The following SPART variants were observed in gnomAD, a reference collection of about 807,000 sequenced individuals.
SPART encodes spastic paraplegia 20 (Troyer syndrome).
A neutral mutation model predicts 58.7 loss-of-function variants in SPART; 35 were observed. That is an observed-to-expected ratio of 0.60 (90% CI 0.46 to 0.79). SPART has a LOEUF of 0.79. Ranked by LOEUF, SPART falls within the 30% of genes least tolerant of loss-of-function variation. The pLI is 0.00. For synonymous variants in SPART, 284 were observed against 280.7 expected, an observed-to-expected ratio of 1.01 and a Z score of -0.12; for missense variants, 730 against 786.1, an observed-to-expected ratio of 0.93 and a Z score of 0.85.
chr13:36,334,711 C>T (rs1008225231), intron 2 of SPART, among the ~76,000 whole-genome samples: 1 of 151,956 alleles, frequency 6.6e-6, no homozygotes, highest in African/African-American at 2.4e-5. Context: ...TACATAAATC[C>T]CTTTCGAAAT....
chr13:36,323,139 C>T (rs940243395), intron 5 of SPART, among the ~76,000 whole-genome samples: 1 of 152,150 alleles, frequency 6.6e-6, no homozygotes, highest in South Asian at 2.1e-4. Context: ...GTGATCATTC[C>T]GTCTCACTCC....
intron 1 of SPART, among the ~76,000 whole-genome samples, chr13:36,358,945 G>A (rs941864894): frequency 6.6e-6 from 1 of 152,056 alleles, no homozygotes; most frequent in African/African-American, 2.4e-5. Context: ...ATTGTTTTGG[G>A]GGGCCAAGTG....
intron 1 of SPART, among the ~76,000 whole-genome samples, chr13:36,365,041 T>TG (rs1477102002): frequency 6.6e-6 from 1 of 152,094 alleles, no homozygotes; most frequent in East Asian, 1.9e-4. Flanking sequence ...CCTCTGACAC[T>TG]GGAGGTTGCA....
chr13:36,335,526 G>A lies in SPART; in HGVS notation c.305C>T (p.Ser102Phe). The change falls in exon 2 of 9, where the codon TCT becomes TTT. Residue 102 changes from serine to phenylalanine, a missense_variant. By Grantham distance (155) the Ser-to-Phe change is radical (BLOSUM62 -2). Transcript: ENST00000438666. ...CACCTCCTGAAGATCATTCTGCAGA[G>A]AAGTGGCAAGACCCTTCTCTAGAAT... ...LEILEKGLAT[S>F]LQNDLQEVPK... is the part of the protein sequence containing the mutation. 6.2e-7 allele frequency: 1 copy of A among 1,614,158 alleles called. No individual in the cohort carries two copies. Among genetic ancestry groups the A allele is most frequent in the Non-Finnish European group, 8.5e-7 (1 of 1,180,028 alleles).
chr13:36,337,470 TAGTG>T (rs1238856114), intron 1 of SPART, among the ~76,000 whole-genome samples: 4 of 152,220 alleles, frequency 2.6e-5, no homozygotes, highest in Non-Finnish European at 4.4e-5. Context: ...GTTCTCCTGA[TAGTG>T]AGTTCTCACA....
At chr13:36,348,357 T>C (rs973480604), upstream of SPART, among the ~76,000 whole-genome samples, 1 of 152,242 alleles carries the variant, frequency 6.6e-6, no homozygotes, top group African/African-American at 2.4e-5. Context: ...ATTTAAAAAG[T>C]ACATACATTT....
At chr13:36,330,526 A>G (rs1289361730) in intron 3 of SPART, among the ~76,000 whole-genome samples, 1 of 152,180 alleles carries the variant, frequency 6.6e-6, no homozygotes, top group Non-Finnish European at 1.5e-5. Context: ...AACTGGTTAA[A>G]TAATGAATTC....
chr13:36,369,543 C>A (rs1886193136), intron 1 of SPART: 1 of 152,142 alleles, frequency 6.6e-6, no homozygotes, highest in Non-Finnish European at 1.5e-5. Context: ...AACGTACTTT[C>A]CCCCAAGAAA....
intron 1 of SPART, among the ~76,000 whole-genome samples, chr13:36,344,052 G>A (rs919659808): frequency 1.6e-4 from 22 of 141,756 alleles, no homozygotes; most frequent in Non-Finnish European, 2.7e-4. Context: ...AAAAAAAAAA[G>A]AAAGAAAGAA....
upstream of SPART, among the ~76,000 whole-genome samples, chr13:36,347,639 T>TACAGTGTTTCAAATACATTTGAA (rs1885230847): frequency 1.3e-5 from 2 of 152,178 alleles, no homozygotes; most frequent in African/African-American, 4.8e-5. Context: ...AATATATTAA[T>TACAGTGTTTCAAATACATTTGAA]ACAGTGGTTT....
At chr13:36,313,720 C>T (rs887982597) in intron 6 of SPART, among the ~76,000 whole-genome samples, 6 of 152,126 alleles carry the variant, frequency 3.9e-5, no homozygotes, top group African/African-American at 1.4e-4. Flanking sequence ...TACTTAGGAG[C>T]AATAGGCTAT....
upstream of SPART, among the ~76,000 whole-genome samples, chr13:36,350,959 C>T (rs184324637): frequency 1.8e-4 from 28 of 152,306 alleles, no homozygotes; most frequent in African/African-American, 6.5e-4. Flanking sequence ...CAGTGGTATA[C>T]ATACCCCGGT....
rs916742222 is a variant in SPART at position 36,302,218 on chromosome 13, CAAGT to C, written c.*2143_*2146del. The C allele has an allele frequency of 3.7e-4, 54 of 147,672 alleles. No homozygotes were observed. The highest frequency in any genetic ancestry group is 1.2e-3 in the African/African-American group (48 of 40,928). The allele number at this position is 147,672 out of a possible 1,614,324, so 9.1% of individuals were successfully genotyped here. ...AAGTGTTGTTATTCATCATACCTTA[CAAGT>C]AATATATAATTTTATCTATATATCA... On this transcript the variant is annotated 3_prime_UTR_variant, in exon 9 of 9. Transcript: ENST00000438666.
rs898365933 is a variant in SPART, at chr13:36,303,273, A to C, written c.*1092T>G. Reference sequence around the variant, plus strand: ...CTATGAAAACTAATACCAATCTCTTAAATTCAATAAACAAAAATTAAATAC... The same window carrying C: ...CTATGAAAACTAATACCAATCTCTTCAATTCAATAAACAAAAATTAAATAC... On this transcript the variant is annotated 3_prime_UTR_variant, in exon 9 of 9. Coordinates refer to ENST00000438666, the MANE Select transcript of SPART (RefSeq NM_015087.5). 1 of 152,194 alleles carries C rather than the reference A, an allele frequency of 6.6e-6. No homozygotes were observed. The highest frequency in any genetic ancestry group is 2.4e-5 in the African/African-American group (1 of 41,448). 9.4% of individuals were successfully genotyped at this position (152,194 alleles called of 1,614,324 possible).
chr13:36,323,910 C>G (rs375852092), intron 5 of SPART, among the ~76,000 whole-genome samples: 1 of 152,168 alleles, frequency 6.6e-6, no homozygotes, highest in African/African-American at 2.4e-5. Context: ...CTGAGTGTTA[C>G]CAGAACACAG....
chr13:36,318,981 C>T (rs1362549719), intron 5 of SPART, among the ~76,000 whole-genome samples: 2 of 152,300 alleles, frequency 1.3e-5, no homozygotes, highest in East Asian at 3.9e-4. Context: ...TCAGGTAACT[C>T]TAACAGTGGA....
intron 4 of SPART, among the ~76,000 whole-genome samples, chr13:36,327,902 G>A (rs770041468): frequency 1.1e-4 from 16 of 152,160 alleles, no homozygotes; most frequent in Non-Finnish European, 1.5e-4. Context: ...GTTGAGACAC[G>A]AGAATTGCTT....
chr13:36,315,767 C>G (rs1186474526), intron 5 of SPART, among the ~76,000 whole-genome samples: 1 of 151,908 alleles, frequency 6.6e-6, no homozygotes, highest in Non-Finnish European at 1.5e-5. Context: ...TAAGAAGAAA[C>G]CAGCTGAACA....
intron 5 of SPART, among the ~76,000 whole-genome samples, chr13:36,319,176 G>A (rs1882079879): frequency 6.8e-6 from 1 of 147,074 alleles, no homozygotes; most frequent in African/African-American, 2.5e-5. Flanking sequence ...CTCCTTTTTA[G>A]TTATCCCCAC....
Sources: gnomAD v4.1 joint callset for allele counts (sites outside exome capture counted in the v4.1 genomes callset) on GRCh38, gnomAD v4.1.1 for gene constraint, MANE v1.5 for transcripts, NCBI Gene and HGNC (gene_info 2026-07-23, HGNC 2026-07-21) for gene names.